The following TENM1 variants were observed in gnomAD, a reference collection of about 807,000 sequenced individuals.
TENM1 encodes teneurin transmembrane protein 1.
TENM1 carries 35 observed loss-of-function variants against 174.8 expected under a neutral mutation model. The ratio of observed to expected loss-of-function variants is 0.20; its 90% CI spans 0.15 to 0.27. The LOEUF (loss-of-function observed/expected upper bound fraction) is 0.27. TENM1 is among the 10% of genes least tolerant of loss of function. The probability of loss-of-function intolerance (pLI) is 1.00; values close to 1 mark genes in which losing one functional copy is unlikely to be tolerated. For synonymous variants in TENM1, 781 were observed against 798.7 expected (o/e 0.98, Z 0.37); for missense variants, 1,633 against 2,130.1 (o/e 0.77, Z 4.59).
chrX:124,956,394 A>G (rs1313384916), intron 1 of TENM1, among the ~76,000 whole-genome samples: 3 of 112,243 alleles, frequency 2.7e-5, no homozygotes. Context: ...TAATTGATTG[A>G]CAATGCTTGC....
chrX:124,718,527 G>A (rs1377018643), intron 4 of TENM1, among the ~76,000 whole-genome samples: 2 of 112,291 alleles, frequency 1.8e-5, no homozygotes, highest in Non-Finnish European at 3.8e-5. Flanking sequence ...TGCAGGATAT[G>A]ACAAGTTAAT....
intron 11 of TENM1, among the ~76,000 whole-genome samples, chrX:124,606,985 G>A: frequency 9.1e-6 from 1 of 110,310 alleles, no homozygotes; most frequent in Non-Finnish European, 1.9e-5. Flanking sequence ...AGGCAGAAGA[G>A]AAGGAGGACG....
intron 15 of TENM1, among the ~76,000 whole-genome samples, chrX:124,543,786 C>T (rs1213994983): frequency 1.8e-5 from 2 of 112,316 alleles, no homozygotes; most frequent in Non-Finnish European, 3.8e-5. Context: ...AAGATCTTCA[C>T]CATGGGCAGG....
chrX:124,565,424 A>G, exon 12 of TENM1: 1 of 1,209,165 alleles, frequency 8.3e-7, no homozygotes, highest in East Asian at 3.0e-5. Context: ...CACATTTTCC[A>G]TCTTTGCATT....
At chrX:124,709,945 C>T (rs901156134) in intron 4 of TENM1, among the ~76,000 whole-genome samples, 15 of 110,894 alleles carry the variant, frequency 1.4e-4, no homozygotes, top group African/African-American at 4.9e-4. Flanking sequence ...CTAAAGGCAC[C>T]TAATTTATCC....
chrX:124,857,720 G>T (rs190154534), intron 3 of TENM1, among the ~76,000 whole-genome samples: 1 of 109,823 alleles, frequency 9.1e-6, no homozygotes, highest in African/African-American at 3.3e-5. Context: ...CATTTTAAAT[G>T]AGTGAATTGT....
intron 1 of TENM1, among the ~76,000 whole-genome samples, chrX:124,945,738 T>C (rs895728327): frequency 9.0e-6 from 1 of 111,233 alleles, no homozygotes; most frequent in Non-Finnish European, 1.9e-5. Context: ...TTGAATATTG[T>C]CTCAGCTTGG....
intron 3 of TENM1, among the ~76,000 whole-genome samples, chrX:124,754,445 G>T (rs2054172177): frequency 9.0e-6 from 1 of 111,278 alleles, no homozygotes; most frequent in Non-Finnish European, 1.9e-5. Context: ...CCAGCTCCTG[G>T]ATTCATTAAC....
At chrX:124,891,392 C>T (rs1376234223) in intron 3 of TENM1, among the ~76,000 whole-genome samples, 1 of 111,280 alleles carries the variant, frequency 9.0e-6, no homozygotes, top group Non-Finnish European at 1.9e-5. Flanking sequence ...TGTATCAAAA[C>T]ATCACATGTT....
intron 5 of TENM1, among the ~76,000 whole-genome samples, chrX:124,694,905 C>T (rs1376882060): frequency 8.9e-6 from 1 of 112,064 alleles, no homozygotes; most frequent in East Asian, 2.8e-4. Context: ...TAGTGAGTAT[C>T]TCACTTCTTT....
intron 3 of TENM1, among the ~76,000 whole-genome samples, chrX:124,797,182 G>A (rs1211880581): frequency 8.9e-6 from 1 of 111,810 alleles, no homozygotes; most frequent in Admixed American, 9.5e-5. Context: ...CCCATGAAGT[G>A]CCCTGTATAT....
intron 20 of TENM1, among the ~76,000 whole-genome samples, chrX:124,496,070 TCTACAA>T (rs2047195100): frequency 9.5e-6 from 1 of 105,470 alleles, no homozygotes; most frequent in Non-Finnish European, 1.9e-5. Context: ...ACACCGCATA[TCTACAA>T]CTATCTGATC....
At chrX:124,475,000 C>T (rs930183470) in intron 22 of TENM1, among the ~76,000 whole-genome samples, 1 of 111,400 alleles carries the variant, frequency 9.0e-6, no homozygotes, top group Non-Finnish European at 1.9e-5. Flanking sequence ...GATTCTAAAA[C>T]AAGGTTGTTG....
chrX:124,935,202 T>C (rs757706753), intron 1 of TENM1, among the ~76,000 whole-genome samples: 8 of 106,923 alleles, frequency 7.5e-5, no homozygotes, highest in Admixed American at 1.1e-4. Flanking sequence ...CTATACTAGA[T>C]GATTTCTAAC....
chrX:124,650,976 A>G (rs1295684904), intron 8 of TENM1, among the ~76,000 whole-genome samples: 1 of 112,017 alleles, frequency 8.9e-6, no homozygotes, highest in Non-Finnish European at 1.9e-5. Context: ...AATAGAACAT[A>G]ATTGTTAAAA....
the TENM1 span, among the ~76,000 whole-genome samples, chrX:125,122,248 G>A: frequency 1.8e-5 from 2 of 111,510 alleles, no homozygotes; most frequent in East Asian, 5.6e-4. Flanking sequence ...TATATTAATG[G>A]TTAATATAGA....
chrX:124,873,213 G>A (rs764009070), intron 3 of TENM1, among the ~76,000 whole-genome samples: 12 of 109,867 alleles, frequency 1.1e-4, no homozygotes, highest in Non-Finnish European at 2.1e-4. Context: ...AAGTACAAAC[G>A]GGACAAAAGA....
the TENM1 span, among the ~76,000 whole-genome samples, chrX:124,975,877 G>C: frequency 9.0e-6 from 1 of 111,326 alleles, no homozygotes; most frequent in East Asian, 2.8e-4. Context: ...TGTATATAAG[G>C]GTTCTAAAAG....
At chrX:124,650,200 C>CAAAAAAAA (rs755570562) in intron 8 of TENM1, among the ~76,000 whole-genome samples, 1 of 24,864 alleles carries the variant, frequency 4.0e-5, no homozygotes, top group Non-Finnish European at 9.1e-5. Flanking sequence ...AAACTGTCTC[C>CAAAAAAAA]AAAAAAAAAA....
Sources: gnomAD v4.1 joint callset for allele counts (sites outside exome capture counted in the v4.1 genomes callset) on GRCh38, gnomAD v4.1.1 for gene constraint, MANE v1.5 for transcripts, NCBI Gene and HGNC (gene_info 2026-07-23, HGNC 2026-07-21) for gene names.